GGTA1: variants seen among roughly 807,000 people sequenced by gnomAD.
The protein encoded by GGTA1 is inactive N-acetyllactosaminide alpha-1,3-galactosyltransferase.
In GGTA1, 5 loss-of-function variants were observed where a neutral mutation model predicts 2.6. The ratio of observed to expected loss-of-function variants is 1.92; its 90% CI spans 1.00 to 4.04. GGTA1 has a LOEUF of 4.04. Among genes scored for constraint, GGTA1 ranks in the 30% most tolerant of loss-of-function variants. The probability of loss-of-function intolerance (pLI) is 0.00; values close to 1 mark genes in which losing one functional copy is unlikely to be tolerated. For missense variants in GGTA1, 50 were observed against 16.7 expected (o/e 2.99, Z -3.47); for synonymous variants, 17 against 5.0 (o/e 3.38, Z -3.19).
intron 1 of GGTA1, among the ~76,000 whole-genome samples, chr9:121,489,704 A>C (rs944046792): frequency 6.6e-6 from 1 of 152,218 alleles, no homozygotes; most frequent in Non-Finnish European, 1.5e-5. Context: ...TTCCTAGCAC[A>C]ACACTGCCAG....
chr9:121,484,114 C>T (rs915468196), intron 1 of GGTA1, among the ~76,000 whole-genome samples: 8 of 152,026 alleles, frequency 5.3e-5, no homozygotes, highest in African/African-American at 7.3e-5. Flanking sequence ...ATTTGGGTGA[C>T]GGATACACTA....
chr9:121,487,574 C>CAAAAAAAAA (rs35537073), intron 1 of GGTA1, among the ~76,000 whole-genome samples: 1 of 65,928 alleles, frequency 1.5e-5, no homozygotes, highest in African/African-American at 6.1e-5. Flanking sequence ...GACTCTGTCT[C>CAAAAAAAAA]AAAAAAAAAA....
intron 1 of GGTA1, among the ~76,000 whole-genome samples, chr9:121,487,346 G>C (rs1484645453): frequency 6.6e-6 from 1 of 151,970 alleles, no homozygotes; most frequent in Non-Finnish European, 1.5e-5. Flanking sequence ...GGGAGGCCGA[G>C]GTGGGCAGAT....
At chr9:121,492,936 G>A (rs778003961) in intron 1 of GGTA1, among the ~76,000 whole-genome samples, 7 of 151,824 alleles carry the variant, frequency 4.6e-5, no homozygotes, top group African/African-American at 1.7e-4. Flanking sequence ...TTGAGGTCAC[G>A]AGTTTGAGAC....
At chr9:121,471,087 T>G (rs1452919060) in intron 1 of GGTA1, among the ~76,000 whole-genome samples, 1 of 152,118 alleles carries the variant, frequency 6.6e-6, no homozygotes, top group Admixed American at 6.5e-5. Flanking sequence ...TGTCAACATT[T>G]TGAAGTAGGA....
At chr9:121,499,546 C>G (rs1219246868) in intron 1 of GGTA1, 104 bp downstream of exon 1, 1 of 152,582 alleles carries the variant, frequency 6.6e-6, no homozygotes, top group East Asian at 1.9e-4. Flanking sequence ...GCCGGAGCAG[C>G]GGCCCGCCTC....
chr9:121,459,635 G>A (rs867022814), intron 5 of GGTA1, among the ~76,000 whole-genome samples: 1 of 152,014 alleles, frequency 6.6e-6, no homozygotes, highest in African/African-American at 2.4e-5. Flanking sequence ...CCAGCTCTGA[G>A]GCCTGTGTCT....
chr9:121,489,423 C>T (rs1230683518), intron 1 of GGTA1, among the ~76,000 whole-genome samples: 4 of 152,146 alleles, frequency 2.6e-5, no homozygotes, highest in Non-Finnish European at 5.9e-5. Flanking sequence ...GTCTCAAACT[C>T]CCGTACACAA....
intron 2 of GGTA1, 58 bp downstream of exon 2, chr9:121,467,785 T>C (rs1013849341): frequency 1.4e-5 from 6 of 444,130 alleles, no homozygotes; most frequent in Admixed American, 9.9e-5. Context: ...ATGATACTAG[T>C]AGGATAGAAT....
At chr9:121,468,755 C>T (rs937875018) in intron 1 of GGTA1, among the ~76,000 whole-genome samples, 3 of 152,188 alleles carry the variant, frequency 2.0e-5, no homozygotes, top group Non-Finnish European at 2.9e-5. Context: ...GAGGAGGCTG[C>T]CTCCATTGGC....
chr9:121,462,215 C>T (rs752951410), intron 3 of GGTA1, among the ~76,000 whole-genome samples: 1 of 152,114 alleles, frequency 6.6e-6, no homozygotes, highest in Non-Finnish European at 1.5e-5. Context: ...ATCCCAGCTA[C>T]TCAAGAGGCT....
At chr9:121,481,542 G>T (rs1828649526) in intron 1 of GGTA1, among the ~76,000 whole-genome samples, 2 of 151,730 alleles carry the variant, frequency 1.3e-5, no homozygotes, top group African/African-American at 4.8e-5. Context: ...AATTAGCTGG[G>T]TGTGGTGGCA....
At chr9:121,485,566 G>A (rs2118750623) in intron 1 of GGTA1, among the ~76,000 whole-genome samples, 1 of 152,328 alleles carries the variant, frequency 6.6e-6, no homozygotes, top group South Asian at 2.1e-4. Flanking sequence ...GGATGGCGGT[G>A]TATAGGAAAG....
At chr9:121,485,462 C>G (rs145416659) in intron 1 of GGTA1, among the ~76,000 whole-genome samples, 4 of 152,278 alleles carry the variant, frequency 2.6e-5, no homozygotes, top group African/African-American at 9.6e-5. Flanking sequence ...AGTGTTGTCA[C>G]GTGTAAAGTG....
At chr9:121,473,958 A>AGAGG (rs1241666261) in intron 1 of GGTA1, among the ~76,000 whole-genome samples, 1 of 129,218 alleles carries the variant, frequency 7.7e-6, no homozygotes, top group African/African-American at 2.8e-5. Flanking sequence ...AGAGAGAGAG[A>AGAGG]GGGAGGGAGG....
In GGTA1 at chr9:121,476,953, C is replaced by G. The variant is rs1475108071; in HGVS notation, c.-9-9022G>C. Among the ~76,000 whole-genome samples, 1 of 152,188 alleles carries G rather than the reference C, an allele frequency of 6.6e-6. No individual in the cohort carries two copies. The highest frequency in any genetic ancestry group is 1.9e-4 in the East Asian group (1 of 5,192). On this transcript the variant is annotated intron_variant, in intron 1 of 5. Transcript: ENST00000481799. This position sits in a 1 kb window ranked among gnomAD's most constrained non-coding sequence, Gnocchi z 4.6. ...TGCACACCCACCTAGGTCCCAGAAA[C>G]AACCGGTCCCAGGTGGACCTTGTTG...
At chr9:121,466,419 A>G (rs769285537) in intron 2 of GGTA1, among the ~76,000 whole-genome samples, 3 of 152,126 alleles carry the variant, frequency 2.0e-5, no homozygotes, top group Non-Finnish European at 4.4e-5. Flanking sequence ...TCTCAATTCA[A>G]AAGACCTAGT....
chr9:121,485,112 C>T (rs964984696), intron 1 of GGTA1, among the ~76,000 whole-genome samples: 12 of 152,212 alleles, frequency 7.9e-5, no homozygotes, highest in Non-Finnish European at 1.5e-4. Flanking sequence ...GATTTGTATT[C>T]ATTGCAAATC....
intron 1 of GGTA1, among the ~76,000 whole-genome samples, chr9:121,477,544 T>C (rs10818551): frequency 0.29 from 43,682 of 149,918 alleles, 6,707 homozygotes; most frequent in Middle Eastern, 0.38. Context: ...ATACTTACTT[T>C]CATACCTAAC....
Sources: gnomAD v4.1 joint callset for allele counts (sites outside exome capture counted in the v4.1 genomes callset) on GRCh38, gnomAD v4.1.1 for gene constraint, Gnocchi (gnomAD v3.1) non-coding constraint, MANE v1.5 for transcripts, NCBI Gene and HGNC (gene_info 2026-07-23, HGNC 2026-07-21) for gene names.